Variants in WSB2 observed in about 807,000 individuals in gnomAD.
WSB2 encodes WD repeat and SOCS box-containing protein 2.
In WSB2, 12 loss-of-function variants were observed where a neutral mutation model predicts 48.8. That is an observed-to-expected ratio of 0.25 (90% CI 0.16 to 0.40). WSB2 has a LOEUF of 0.40. WSB2 is among the 10% of genes least tolerant of loss of function. The pLI, the probability that WSB2 is intolerant of heterozygous loss-of-function variation, is 1.00. For missense variants in WSB2, 317 were observed against 506.2 expected (o/e 0.63, Z 3.59); for synonymous variants, 191 against 203.1 (o/e 0.94, Z 0.51).
At chr12:118,034,464 G>A (rs1314524713) in intron 8 of WSB2, 106 bp from the exon 9 acceptor site, 22 of 1,364,504 alleles carry the variant, frequency 1.6e-5, no homozygotes, top group Non-Finnish European at 2.1e-5. Flanking sequence ...AGGAGACTTC[G>A]GAGAGTGAAA....
At chr12:118,046,458 C>T (rs1444090477) in intron 2 of WSB2, among the ~76,000 whole-genome samples, 1 of 138,670 alleles carries the variant, frequency 7.2e-6, no homozygotes, top group Non-Finnish European at 1.5e-5. Context: ...CAGAGCAAGA[C>T]TCCATCTCAA....
intron 1 of WSB2, 41 bp from the exon 2 acceptor site, chr12:118,052,519 G>A (rs745920751): frequency 6.2e-7 from 1 of 1,610,162 alleles, no homozygotes; most frequent in Non-Finnish European, 8.5e-7. Context: ...ACACCCCCTT[G>A]CTCCCTGACC....
intron 2 of WSB2, among the ~76,000 whole-genome samples, chr12:118,044,261 TTC>T (rs2031701739): frequency 6.6e-6 from 1 of 152,168 alleles, no homozygotes; most frequent in Admixed American, 6.5e-5. Context: ...GCTCAGAAAG[TTC>T]TCTCAGGTTT....
chr12:118,040,893 C>T (rs183542798), intron 4 of WSB2, among the ~76,000 whole-genome samples: 1 of 152,156 alleles, frequency 6.6e-6, no homozygotes, highest in Non-Finnish European at 1.5e-5. Flanking sequence ...ACTAAAAATA[C>T]AAAACATTAG....
upstream of WSB2, among the ~76,000 whole-genome samples, chr12:118,061,793 G>A (rs550724850): frequency 1.3e-5 from 2 of 148,788 alleles, no homozygotes; most frequent in Non-Finnish European, 3.0e-5. Flanking sequence ...GGGAGAAATA[G>A]GTTGGAGGGA....
intron 2 of WSB2, among the ~76,000 whole-genome samples, chr12:118,048,442 T>C (rs1380248387): frequency 1.3e-5 from 2 of 151,894 alleles, no homozygotes; most frequent in Non-Finnish European, 2.9e-5. Flanking sequence ...ACAAAAAAAT[T>C]AGCTGAGTGT....
Position 118,060,939 on chromosome 12 carries a change from A to AC in WSB2, c.13+96dup. On this transcript the variant is annotated intron_variant, in intron 1 of 8. Coordinates refer to ENST00000315436, the MANE Select transcript of WSB2 (RefSeq NM_018639.5). The surrounding 1 kb of genome is among the most constrained non-coding windows in gnomAD (Gnocchi z 4.1). ...CCCCGCCGCGTCCAGCCCCCGCCCC[A>AC]CCCCGCCCAGCCCGCCCCGGGGTCG... 1.2e-5 allele frequency: 3 copies of AC among 247,248 alleles called. No homozygotes were observed. Among genetic ancestry groups the AC allele is most frequent in the Non-Finnish European group, 1.8e-5 (3 of 163,746 alleles). 15.3% of individuals were successfully genotyped at this position (247,248 alleles called of 1,614,324 possible). A position where few individuals can be genotyped will look rare whatever the true frequency, so the allele number is the denominator to read the frequency against.
At chr12:118,046,024 G>A (rs2031738199) in intron 2 of WSB2, among the ~76,000 whole-genome samples, 2 of 152,160 alleles carry the variant, frequency 1.3e-5, no homozygotes, top group Non-Finnish European at 2.9e-5. Context: ...CAAATGACAG[G>A]ATTTTGTTCT....
chr12:118,034,166 G>A lies in WSB2; in HGVS notation c.*30C>T. ...TCCCTTTGACAGGACGATTTACCCTGCTACAAAGAAGCACAAGATGTGGTG... is the reference window on the plus strand; with the variant it reads ...TCCCTTTGACAGGACGATTTACCCTACTACAAAGAAGCACAAGATGTGGTG... On this transcript the variant is annotated 3_prime_UTR_variant, in exon 9 of 9. Coordinates refer to ENST00000315436, the MANE Select transcript of WSB2 (RefSeq NM_018639.5). 1 of 1,613,424 alleles carries A rather than the reference G, an allele frequency of 6.2e-7. No homozygotes were observed. Among genetic ancestry groups the A allele is most frequent in the South Asian group, 1.1e-5 (1 of 91,060 alleles).
At chr12:118,036,295 C>T in intron 6 of WSB2, 43 bp downstream of exon 6, 1 of 1,591,052 alleles carries the variant, frequency 6.3e-7, no homozygotes, top group Non-Finnish European at 8.6e-7. Flanking sequence ...GGTTCCTCAT[C>T]AGTCCCCCCA....
In WSB2 at chr12:118,049,504, C is replaced by T. The variant is rs548218845; in HGVS notation, c.182+2806G>A. On this transcript the variant is annotated intron_variant, in intron 2 of 8. Coordinates refer to ENST00000315436, the MANE Select transcript of WSB2 (RefSeq NM_018639.5). The stretch of plus-strand genomic sequence containing the variant: ...GCAACCTCCGCCTCCCAGGTTCACG[C>T]GATTCTCCTACCTCAGCCTCCTGAG... Among the ~76,000 whole-genome samples the T allele has an allele frequency of 2.6e-3, 392 of 152,056 alleles. 3 individuals carry two copies. Among genetic ancestry groups the T allele is most frequent in the African/African-American group, 8.6e-3 (355 of 41,464 alleles).
chr12:118,049,692 C>T (rs530698832), intron 2 of WSB2, among the ~76,000 whole-genome samples: 43 of 152,142 alleles, frequency 2.8e-4, no homozygotes, highest in African/African-American at 1.0e-3. Flanking sequence ...CATCAGGTAC[C>T]GCGCCCAGCC....
upstream of WSB2, among the ~76,000 whole-genome samples, chr12:118,061,581 G>A (rs60432513): frequency 0.044 from 6,583 of 150,762 alleles, 480 homozygotes; most frequent in African/African-American, 0.15. Context: ...CAGGGGAAAA[G>A]GGGGTGTTGG....
intron 5 of WSB2, among the ~76,000 whole-genome samples, chr12:118,036,782 G>A (rs763182008): frequency 3.3e-5 from 5 of 152,328 alleles, no homozygotes; most frequent in East Asian, 1.9e-4. Flanking sequence ...CTGCTGAAAC[G>A]CATGTGCAGA....
At chr12:118,042,610 T>C (rs976560090) in intron 4 of WSB2, 3 of 524,646 alleles carry the variant, frequency 5.7e-6, no homozygotes, top group Non-Finnish European at 9.8e-6. Context: ...GATATTAAAA[T>C]AGCCTAAATA....
upstream of WSB2, chr12:118,061,259 T>C: frequency 1.4e-6 from 1 of 716,178 alleles, no homozygotes; most frequent in Non-Finnish European, 1.7e-6. Flanking sequence ...GCGGACGGGA[T>C]AAAAACGGTG....
intron 4 of WSB2, among the ~76,000 whole-genome samples, chr12:118,041,322 G>A (rs1218404746): frequency 1.3e-5 from 2 of 152,204 alleles, no homozygotes; most frequent in African/African-American, 2.4e-5. Context: ...AGATGAGGAT[G>A]CAGAGAGAAG....
chr12:118,032,747 T>G lies in WSB2; in HGVS notation c.*1449A>C, dbSNP rs1401370846. ...AAGATTGGGTCTTATCTCACTCTGT[T>G]GCCCAGGCTGATCTTGAACTCCTGG... On this transcript the variant is annotated 3_prime_UTR_variant, in exon 9 of 9. Coordinates refer to ENST00000315436, the MANE Select transcript of WSB2 (RefSeq NM_018639.5). 2 of 152,164 alleles carry G rather than the reference T, an allele frequency of 1.3e-5. No homozygotes were observed. Among genetic ancestry groups the G allele is most frequent in the African/African-American group, 4.8e-5 (2 of 41,404 alleles). 9.4% of individuals were successfully genotyped at this position (152,164 alleles called of 1,614,324 possible).
rs771809505 is a variant in WSB2 at position 118,042,988 on chromosome 12, G to A, written c.428-16C>T. 2 of 1,613,934 alleles carry A rather than the reference G, an allele frequency of 1.2e-6. No individual in the cohort carries two copies. The highest frequency in any genetic ancestry group is 4.5e-5 in the East Asian group (2 of 44,898). On this transcript the variant is annotated splice_polypyrimidine_tract_variant and intron_variant, in intron 3 of 8. Transcript: ENST00000315436. ...AGCAGGAGCCCTGGCATGGGAGCAG[G>A]GGCACTGAGTCAGCCAGAGAGGGGG... is the stretch of plus-strand genomic sequence containing the variant.
Sources: allele counts gnomAD v4.1 joint callset (sites outside exome capture counted in the v4.1 genomes callset), GRCh38; gene constraint gnomAD v4.1.1; non-coding constraint Gnocchi (gnomAD v3.1); transcripts MANE v1.5; gene names NCBI Gene and HGNC (gene_info 2026-07-23, HGNC 2026-07-21).